Variants in ATF7IP observed in about 807,000 individuals in gnomAD.
The protein encoded by ATF7IP is activating transcription factor 7 interacting protein.
In ATF7IP, 23 loss-of-function variants were observed where a neutral mutation model predicts 106.4. That is an observed-to-expected ratio of 0.22 (90% confidence interval 0.16 to 0.31). The LOEUF is 0.31. Ranked by LOEUF, ATF7IP falls within the 10% of genes least tolerant of loss-of-function variation. The probability of loss-of-function intolerance (pLI) is 1.00; values close to 1 mark genes in which losing one functional copy is unlikely to be tolerated. For missense variants in ATF7IP, 1,334 were observed against 1,524.3 expected, an observed-to-expected ratio of 0.88 and a Z score of 2.08; for synonymous variants, 542 against 539.0, an observed-to-expected ratio of 1.01 and a Z score of -0.08.
At chr12:14,406,962 CCT>C (rs1488021164) in intron 1 of ATF7IP, among the ~76,000 whole-genome samples, 1 of 152,050 alleles carries the variant, frequency 6.6e-6, no homozygotes, top group Non-Finnish European at 1.5e-5. Flanking sequence ...TTAAAAAGAG[CCT>C]CAGTTGGTGG....
chr12:14,451,020 C>T (rs967733130), intron 6 of ATF7IP, among the ~76,000 whole-genome samples: 2 of 151,946 alleles, frequency 1.3e-5, no homozygotes, highest in African/African-American at 4.8e-5. Context: ...AGTGAGCCAC[C>T]GCACCTGGCC....
intron 1 of ATF7IP, among the ~76,000 whole-genome samples, chr12:14,385,795 A>G (rs962964678): frequency 2.6e-5 from 4 of 152,074 alleles, no homozygotes; most frequent in African/African-American, 9.7e-5. Context: ...TTGCACAAAG[A>G]CTACAATTTT....
chr12:14,384,989 T>C (rs1939154977), intron 1 of ATF7IP: 1 of 163,628 alleles, frequency 6.1e-6, no homozygotes, highest in African/African-American at 2.4e-5. Context: ...TTTGGCTCCA[T>C]CTCTGTAACT....
chr12:14,411,787 T>C (rs765045196), intron 1 of ATF7IP, among the ~76,000 whole-genome samples: 4 of 152,160 alleles, frequency 2.6e-5, no homozygotes, highest in Non-Finnish European at 5.9e-5. Context: ...TTTGATGAAG[T>C]TCAGTTAAAC....
At chr12:14,379,787 C>T (rs1290308578) in intron 1 of ATF7IP, among the ~76,000 whole-genome samples, 1 of 152,088 alleles carries the variant, frequency 6.6e-6, no homozygotes, top group African/African-American at 2.4e-5. Flanking sequence ...AAATCTGAAG[C>T]CATTCTGATT....
rs139004119 is a variant in ATF7IP at position 14,476,099 on chromosome 12, AG to A, written c.2941+132del. On this transcript the variant is annotated intron_variant, in intron 11 of 14. Transcript: ENST00000261168. Reference sequence around the variant, plus strand: ...TTATTTGTGTTCTTTTTGGAATGGAAGTTTTTTAGATTAGAATTTTAAAATT... The same window carrying A: ...TTATTTGTGTTCTTTTTGGAATGGAATTTTTTAGATTAGAATTTTAAAATT... The A allele has an allele frequency of 2.1e-3, 1,502 of 713,576 alleles. 21 individuals are homozygous for A. The African/African-American group carries it at 0.025, about 12-fold the overall frequency. 44.2% of individuals were successfully genotyped at this position (713,576 alleles called of 1,614,324 possible).
rs145312310 is a variant in ATF7IP, at chr12:14,478,379, C to T, written c.3004C>T (p.Pro1002Ser). ...GAGTTCTTCTCAGCCTGTGTCACGA[C>T]CATTGCAACCCATACAACCAGCACC... ...TMSSSQPVSR[P>S]LQPIQPAPPL... Residue 1002 changes from proline to serine, a missense_variant, in exon 12 of 15, where the codon CCA becomes TCA. Pro to Ser is a moderately conservative substitution (Grantham distance 74). Transcript: ENST00000261168. The T allele has an allele frequency of 6.2e-6, 10 of 1,613,944 alleles. No individual in the cohort carries two copies. In the African/African-American group the frequency reaches 1.3e-4, roughly 22 times the overall value.
intron 1 of ATF7IP, among the ~76,000 whole-genome samples, chr12:14,385,811 G>A (rs1267505065): frequency 6.6e-6 from 1 of 151,482 alleles, no homozygotes; most frequent in Non-Finnish European, 1.5e-5. Context: ...ATTTTTCTAC[G>A]GTTTTGTGAG....
chr12:14,445,390 T>C (rs534960125), intron 5 of ATF7IP, among the ~76,000 whole-genome samples: 1 of 150,830 alleles, frequency 6.6e-6, no homozygotes, highest in South Asian at 2.1e-4. Context: ...TTTTTCTTTC[T>C]TTCTTTTTTT....
intron 10 of ATF7IP, among the ~76,000 whole-genome samples, chr12:14,474,995 A>T (rs943053028): frequency 2.6e-5 from 4 of 152,136 alleles, no homozygotes; most frequent in African/African-American, 9.7e-5. Flanking sequence ...TTGTCTTGGG[A>T]TTGGGCCTGG....
intron 1 of ATF7IP, among the ~76,000 whole-genome samples, chr12:14,383,803 C>T (rs894039227): frequency 8.5e-5 from 13 of 152,144 alleles, no homozygotes. Context: ...TTCAAGAGAG[C>T]CTTCCGCCTT....
chr12:14,489,932 G>C (rs913889681), intron 13 of ATF7IP, among the ~76,000 whole-genome samples: 1 of 152,310 alleles, frequency 6.6e-6, no homozygotes, highest in South Asian at 2.1e-4. Flanking sequence ...ATTCCAGGGA[G>C]GAGAAACCTC....
chr12:14,483,885 A>G (rs907715092), intron 13 of ATF7IP, among the ~76,000 whole-genome samples: 2 of 152,166 alleles, frequency 1.3e-5, no homozygotes, highest in African/African-American at 4.8e-5. Context: ...CTTTAGCCAT[A>G]AAATGAGTGC....
At chr12:14,432,450 G>C (rs1215125416) in intron 2 of ATF7IP, among the ~76,000 whole-genome samples, 1 of 152,214 alleles carries the variant, frequency 6.6e-6, no homozygotes, top group East Asian at 1.9e-4. Flanking sequence ...CTGAGGTTGA[G>C]AGATGAGGTC....
intron 1 of ATF7IP, among the ~76,000 whole-genome samples, chr12:14,377,238 G>C (rs1938780803): frequency 6.6e-6 from 1 of 151,864 alleles, no homozygotes; most frequent in Non-Finnish European, 1.5e-5. Flanking sequence ...CAAGTGATCT[G>C]CCTGCTTCGG....
chr12:14,437,589 CT>C (rs1408523967), intron 4 of ATF7IP, among the ~76,000 whole-genome samples: 1 of 152,018 alleles, frequency 6.6e-6, no homozygotes, highest in Non-Finnish European at 1.5e-5. Context: ...GAATATGGAA[CT>C]TTTTAAAAGT....
chr12:14,424,596 T>C lies in ATF7IP; in HGVS notation c.681T>C (p.Asp227=). ...VEPISGDCAA[D]DIASSEITSV... ...CCATTTCTGGTGATTGTGCCGCTGA[T>C]GATATAGCCTCTAGTGAAATAACTT... The change falls in exon 2 of 15, where the codon GAT becomes GAC. Residue 227 remains aspartate (D), a synonymous_variant. Coordinates refer to ENST00000261168, the MANE Select transcript of ATF7IP (RefSeq NM_018179.5). 1.2e-6 allele frequency: 2 copies of C among 1,613,742 alleles called. No homozygotes were observed. The highest frequency in any genetic ancestry group is 1.7e-6 in the Non-Finnish European group (2 of 1,179,724).
At chr12:14,392,235 CT>C (rs926670678) in intron 1 of ATF7IP, among the ~76,000 whole-genome samples, 1 of 135,490 alleles carries the variant, frequency 7.4e-6, no homozygotes, top group Non-Finnish European at 1.5e-5. Flanking sequence ...TTTTTTTTTT[CT>C]TTTTTTTCTT....
chr12:14,501,142 G>C lies in ATF7IP; in HGVS notation c.*3069G>C, dbSNP rs192576276. 185 of 152,282 alleles carry C rather than the reference G, an allele frequency of 1.2e-3. 2 individuals carry two copies. The highest frequency in any genetic ancestry group is 4.3e-3 in the African/African-American group (177 of 41,568). The allele number at this position is 152,282 out of a possible 1,614,324, so 9.4% of individuals were successfully genotyped here. ...AGAATGGAGGACTTAAGTAGAAGTA[G>C]CTACTGATAACAGACTTTCTAGTAG... On this transcript the variant is annotated 3_prime_UTR_variant, in exon 15 of 15. Transcript: ENST00000261168.
Sources: gnomAD v4.1 joint callset for allele counts (sites outside exome capture counted in the v4.1 genomes callset) on GRCh38, gnomAD v4.1.1 for gene constraint, MANE v1.5 for transcripts, NCBI Gene and HGNC (gene_info 2026-07-23, HGNC 2026-07-21) for gene names.